The following ITGB3BP variants were observed in gnomAD, a reference collection of about 807,000 sequenced individuals.
ITGB3BP encodes the protein centromere protein R.
Under a neutral mutation model 29.1 loss-of-function variants are expected in ITGB3BP, and 27 were observed. The ratio of observed to expected loss-of-function variants is 0.93; its 90% CI spans 0.68 to 1.28. The LOEUF (loss-of-function observed/expected upper bound fraction) is 1.28. Ranked by LOEUF, ITGB3BP falls within the 50% of genes most tolerant of loss-of-function variation. The pLI is 0.00. For missense variants in ITGB3BP, 192 were observed against 200.2 expected (o/e 0.96, Z 0.25); for synonymous variants, 61 against 61.4 (o/e 0.99, Z 0.03).
intron 4 of ITGB3BP, among the ~76,000 whole-genome samples, chr1:63,478,414 C>T (rs1172678883): frequency 8.5e-5 from 13 of 152,250 alleles, no homozygotes; most frequent in Non-Finnish European, 1.6e-4. Context: ...TAGCTCCATC[C>T]TGAACCAGCT....
intron 7 of ITGB3BP, chr1:63,447,892 C>T (rs1192510307): frequency 2.1e-4 from 52 of 244,460 alleles, no homozygotes; most frequent in African/African-American, 9.0e-4. Context: ...ATGTTTATTG[C>T]GGCACTATTC....
Position 63,472,342 on chromosome 1 carries a change from T to C in ITGB3BP, c.254+6422A>G, listed in dbSNP as rs1161621556. ...GATGCCTTGCTTCGTCTCTGGTATCTCTCCTAGCTATGATATTTTTGCAAA... is the reference window on the plus strand; with the variant it reads ...GATGCCTTGCTTCGTCTCTGGTATCCCTCCTAGCTATGATATTTTTGCAAA... On this transcript the variant is annotated intron_variant, in intron 4 of 8. Coordinates refer to ENST00000271002, the MANE Select transcript of ITGB3BP (RefSeq NM_014288.5). Among the ~76,000 whole-genome samples the C allele has an allele frequency of 3.3e-5, 5 of 149,672 alleles. No individual in the cohort carries two copies. In the East Asian group the frequency reaches 5.9e-4, roughly 18 times the overall value.
chr1:63,512,386 A>G (rs1646218722), intron 1 of ITGB3BP, among the ~76,000 whole-genome samples: 1 of 152,118 alleles, frequency 6.6e-6, no homozygotes, highest in African/African-American at 2.4e-5. Flanking sequence ...CAGTTACAGT[A>G]TTAAAGAAAT....
At chr1:63,507,408 T>C (rs1356811190) in intron 2 of ITGB3BP, among the ~76,000 whole-genome samples, 2 of 152,200 alleles carry the variant, frequency 1.3e-5, no homozygotes, top group African/African-American at 4.8e-5. Context: ...ATTTACTTCA[T>C]GAAGAGAACG....
intron 3 of ITGB3BP, among the ~76,000 whole-genome samples, chr1:63,482,746 C>T (rs576193703): frequency 1.3e-5 from 2 of 151,716 alleles, no homozygotes; most frequent in African/African-American, 2.4e-5. Context: ...CTCCGCCTCC[C>T]GGGTTCAAGT....
In ITGB3BP at chr1:63,508,214, T is replaced by C. The variant is rs1646122607; in HGVS notation, c.48+314A>G. ...TACTGCCATTGTCCCATATTGTTTC[T>C]TGTACATTTAAGTGGCAGACTATTT... On this transcript the variant is annotated intron_variant, in intron 2 of 8. Coordinates refer to ENST00000271002, the MANE Select transcript of ITGB3BP (RefSeq NM_014288.5). Among the ~76,000 whole-genome samples, 2 of 152,194 alleles carry C rather than the reference T, an allele frequency of 1.3e-5. 1 individual carries two copies. The highest frequency in any genetic ancestry group is 1.3e-4 in the Admixed American group (2 of 15,282).
intron 4 of ITGB3BP, 134 bp downstream of exon 4, chr1:63,478,630 C>T (rs1645383097): frequency 7.6e-6 from 4 of 524,168 alleles, no homozygotes; most frequent in Non-Finnish European, 1.0e-5. Context: ...ATTCTACTTA[C>T]TTAAGAAAGA....
intron 2 of ITGB3BP, among the ~76,000 whole-genome samples, chr1:63,491,875 C>T (rs899225293): frequency 1.3e-5 from 2 of 151,530 alleles, no homozygotes; most frequent in East Asian, 1.9e-4. Flanking sequence ...GTCTCTTTAT[C>T]GGGTGGTTAT....
At chr1:63,443,468 A>T (rs1435277804) in intron 8 of ITGB3BP, among the ~76,000 whole-genome samples, 1 of 152,204 alleles carries the variant, frequency 6.6e-6, no homozygotes, top group African/African-American at 2.4e-5. Flanking sequence ...GAGAAATGGC[A>T]AGTAATCTGG....
chr1:63,525,469 T>C (rs9436686), upstream of ITGB3BP: 895,458 of 908,614 alleles, frequency 0.99, 442,330 homozygotes, highest in East Asian at 1. Context: ...TTTTCTTCTA[T>C]GTATAAAATC....
At chr1:63,495,228 T>G (rs1037500739) in intron 2 of ITGB3BP, among the ~76,000 whole-genome samples, 1 of 152,204 alleles carries the variant, frequency 6.6e-6, no homozygotes, top group African/African-American at 2.4e-5. Flanking sequence ...TTTTTCTAGA[T>G]GGTTACCATT....
At chr1:63,481,511 G>C (rs1645437124) in intron 3 of ITGB3BP, among the ~76,000 whole-genome samples, 1 of 151,996 alleles carries the variant, frequency 6.6e-6, no homozygotes. Flanking sequence ...AGTCTATATG[G>C]TATTTTTCTT....
At chr1:63,469,089 T>C (rs1189990994) in intron 4 of ITGB3BP, among the ~76,000 whole-genome samples, 1 of 151,444 alleles carries the variant, frequency 6.6e-6, no homozygotes, top group Non-Finnish European at 1.5e-5. Flanking sequence ...CTTTGTGAGC[T>C]TAAGCTGTTA....
chr1:63,514,944 C>CAA lies in ITGB3BP; in HGVS notation c.6-6376_6-6375dup, dbSNP rs55738892. ...CTGGTGACAGAGCGAGACTCTGTCT[C>CAA]AAAAAAAAAAAAAAAAAAAAGAAAA... On this transcript the variant is annotated intron_variant, in intron 1 of 8. Coordinates refer to ENST00000271002, the MANE Select transcript of ITGB3BP (RefSeq NM_014288.5). Among the ~76,000 whole-genome samples the CAA allele has an allele frequency of 4.5e-4, 53 of 117,064 alleles. 1 individual carries two copies. Among genetic ancestry groups the CAA allele is most frequent in the African/African-American group, 1.6e-3 (49 of 31,434 alleles). 76.8% of individuals were successfully genotyped at this position (117,064 alleles called of 152,430 possible). A position where few individuals can be genotyped will look rare whatever the true frequency, so the allele number is the denominator to read the frequency against.
At chr1:63,498,503 C>G (rs1645844960) in intron 2 of ITGB3BP, among the ~76,000 whole-genome samples, 1 of 151,786 alleles carries the variant, frequency 6.6e-6, no homozygotes, top group South Asian at 2.1e-4. Context: ...TTAAAAAACA[C>G]ATTAAGAACA....
chr1:63,515,283 C>A (rs112428538), intron 1 of ITGB3BP, among the ~76,000 whole-genome samples: 3,254 of 152,242 alleles, frequency 0.021, 122 homozygotes, highest in African/African-American at 0.074. Context: ...CCCCACTGAG[C>A]TGCTTTGGTA....
rs1645670159 is a variant in ITGB3BP at position 63,492,313 on chromosome 1, C to A, written c.49-2095G>T. Among the ~76,000 whole-genome samples, 4 of 151,686 alleles carry A rather than the reference C, an allele frequency of 2.6e-5. No homozygotes were observed. In the South Asian group the frequency reaches 8.3e-4, roughly 31 times the overall value. On this transcript the variant is annotated intron_variant, in intron 2 of 8. Coordinates refer to ENST00000271002, the MANE Select transcript of ITGB3BP (RefSeq NM_014288.5). ...GGTTAAAAAGAAAAATGTCTATCTA[C>A]AACTACTATACACAGAAGGAAAATT...
intron 2 of ITGB3BP, among the ~76,000 whole-genome samples, chr1:63,499,740 C>A (rs1011137208): frequency 1.3e-5 from 2 of 152,162 alleles, no homozygotes; most frequent in African/African-American, 4.8e-5. Flanking sequence ...AAAAAGCACA[C>A]ATGATCATCT....
chr1:63,505,347 C>T (rs968082506), intron 2 of ITGB3BP, among the ~76,000 whole-genome samples: 30 of 152,120 alleles, frequency 2.0e-4, no homozygotes, highest in African/African-American at 4.1e-4. Context: ...TCTGTGGGAT[C>T]GGTGGTGATA....
Sources: gnomAD v4.1 joint callset for allele counts (sites outside exome capture counted in the v4.1 genomes callset) on GRCh38, gnomAD v4.1.1 for gene constraint, MANE v1.5 for transcripts, NCBI Gene and HGNC (gene_info 2026-07-23, HGNC 2026-07-21) for gene names.